The following ATP10B variants were observed in gnomAD, a reference collection of about 807,000 sequenced individuals.
The protein encoded by ATP10B is ATPase phospholipid transporting 10B (putative).
Under a neutral mutation model 141.2 loss-of-function variants are expected in ATP10B, and 122 were observed. The observed-to-expected ratio is 0.86, with a 90% CI of 0.75 to 1.00. ATP10B has a LOEUF of 1.00. Among genes scored for constraint, ATP10B ranks in the 50% least tolerant of loss-of-function variants. The pLI is 0.00. For synonymous variants in ATP10B, 685 were observed against 692.0 expected (o/e 0.99, Z 0.16); for missense variants, 1,876 against 1,825.3 (o/e 1.03, Z -0.51).
chr5:160,831,271 G>A (rs575067485), intron 1 of ATP10B, among the ~76,000 whole-genome samples: 6 of 152,014 alleles, frequency 3.9e-5, no homozygotes, highest in African/African-American at 1.4e-4. Flanking sequence ...TTAATTAATG[G>A]TGACTCTACC....
At position 160,620,841 on chromosome 5, in the gene ATP10B, G is replaced by T. The variant is rs1739842066; in HGVS notation, c.1922C>A (p.Ala641Glu). The change falls in exon 15 of 26, where the codon GCA becomes GAA. Residue 641 changes from alanine (A) to glutamate (E), a missense_variant. Transcript: ENST00000327245. The part of the protein sequence containing the change: ...LSLSQSFSST[A>E]PSDTDLGESL... ...CTCCCCGAGGTCTGTGTCAGAGGGT[G>T]CAGTGGATGAGAATGACTGGCTGAG... 1.9e-6 allele frequency: 3 copies of T among 1,614,216 alleles called. No individual in the cohort carries two copies. The highest frequency in any genetic ancestry group is 2.7e-5 in the African/African-American group (2 of 75,060).
chr5:160,599,013 C>A, intron 21 of ATP10B, 43 bp from the exon 22 acceptor site: 1 of 1,593,848 alleles, frequency 6.3e-7, no homozygotes, highest in Non-Finnish European at 8.6e-7. Flanking sequence ...GCTCCATGTG[C>A]AGCCGGTCAC....
At chr5:160,709,219 T>C (rs1765207241) in intron 3 of ATP10B, among the ~76,000 whole-genome samples, 1 of 152,208 alleles carries the variant, frequency 6.6e-6, no homozygotes, top group Non-Finnish European at 1.5e-5. Context: ...AGGAAACTCT[T>C]AGGGCACAGG....
intron 19 of ATP10B, among the ~76,000 whole-genome samples, chr5:160,606,080 A>G (rs1347983574): frequency 2.0e-5 from 3 of 152,222 alleles, no homozygotes; most frequent in Admixed American, 2.0e-4. Flanking sequence ...CAACTGTTGG[A>G]GAAAGAAAGG....
At chr5:160,891,338 T>A in the ATP10B span, among the ~76,000 whole-genome samples, 1 of 152,202 alleles carries the variant, frequency 6.6e-6, no homozygotes, top group African/African-American at 2.4e-5. Context: ...GTATGTGTCC[T>A]TCACCCCCAG....
chr5:160,600,369 C>T (rs1454104759), intron 21 of ATP10B, among the ~76,000 whole-genome samples: 9 of 152,158 alleles, frequency 5.9e-5, no homozygotes, highest in Admixed American at 5.2e-4. Context: ...TCAGTCCTAT[C>T]TTTGGCTTAT....
At chr5:160,912,442 G>GAA in the ATP10B span, among the ~76,000 whole-genome samples, 1 of 100,314 alleles carries the variant, frequency 1.0e-5, no homozygotes, top group African/African-American at 3.5e-5. Context: ...AAAAAAAAAA[G>GAA]AGAAAACTTA....
chr5:160,778,251 C>A (rs942772915), intron 2 of ATP10B, among the ~76,000 whole-genome samples: 1 of 152,326 alleles, frequency 6.6e-6, no homozygotes, highest in South Asian at 2.1e-4. Context: ...AGCATCTGAA[C>A]TTTCCTCATT....
At chr5:160,727,627 TC>T (rs938392543) in intron 2 of ATP10B, among the ~76,000 whole-genome samples, 4 of 152,080 alleles carry the variant, frequency 2.6e-5, no homozygotes, top group African/African-American at 9.7e-5. Context: ...GAACTTTGGG[TC>T]CCACGGTATC....
chr5:160,881,333 C>CT, the ATP10B span, among the ~76,000 whole-genome samples: 4 of 152,174 alleles, frequency 2.6e-5, no homozygotes, highest in African/African-American at 9.6e-5. Flanking sequence ...CTCTCCTTCA[C>CT]TACTGGTGGA....
chr5:160,644,876 G>C (rs566596489), intron 8 of ATP10B, among the ~76,000 whole-genome samples: 2 of 152,284 alleles, frequency 1.3e-5, no homozygotes, highest in Non-Finnish European at 2.9e-5. Flanking sequence ...TCAGCACTTT[G>C]GGAGGCCGAG....
At chr5:160,806,459 T>TC (rs1394213004) in intron 1 of ATP10B, among the ~76,000 whole-genome samples, 1 of 152,138 alleles carries the variant, frequency 6.6e-6, no homozygotes, top group Non-Finnish European at 1.5e-5. Context: ...CATAAGGTTA[T>TC]CCCCCAGAAC....
chr5:160,657,126 A>G (rs1761569219), intron 7 of ATP10B, among the ~76,000 whole-genome samples: 1 of 152,180 alleles, frequency 6.6e-6, no homozygotes, highest in Admixed American at 6.5e-5. Context: ...CCAACCAAGG[A>G]AGCTACACAG....
At chr5:160,627,915 G>T (rs1434449844) in intron 13 of ATP10B, among the ~76,000 whole-genome samples, 1 of 151,618 alleles carries the variant, frequency 6.6e-6, no homozygotes, top group East Asian at 1.9e-4. Context: ...TGAGGTGGTG[G>T]GAAGAGAGGA....
chr5:160,567,235 CT>C (rs1754602185), intron 25 of ATP10B, among the ~76,000 whole-genome samples: 1 of 152,142 alleles, frequency 6.6e-6, no homozygotes, highest in South Asian at 2.1e-4. Context: ...AGACAAGGTC[CT>C]TGCTGTCACG....
chr5:160,915,224 G>A, the ATP10B span, among the ~76,000 whole-genome samples: 4 of 152,188 alleles, frequency 2.6e-5, no homozygotes, highest in African/African-American at 9.6e-5. Flanking sequence ...TTTGAAGGTT[G>A]TGCCATAGGG....
intron 18 of ATP10B, among the ~76,000 whole-genome samples, chr5:160,608,694 T>G (rs1197147485): frequency 6.6e-6 from 1 of 152,232 alleles, no homozygotes; most frequent in Non-Finnish European, 1.5e-5. Flanking sequence ...TGATGAGCAT[T>G]TTTTCATGTG....
At chr5:160,915,169 T>A in the ATP10B span, among the ~76,000 whole-genome samples, 5 of 152,192 alleles carry the variant, frequency 3.3e-5, no homozygotes, top group East Asian at 9.6e-4. Flanking sequence ...CCTTTAAAAG[T>A]TTTTCAAAAA....
At chr5:160,632,427 A>G (rs1188206828) in intron 12 of ATP10B, 60 bp from the exon 13 acceptor site, 4 of 1,523,728 alleles carry the variant, frequency 2.6e-6, no homozygotes, top group African/African-American at 1.4e-5. Flanking sequence ...ATGTTGGGGA[A>G]AACCTAGACT....
Sources: allele counts gnomAD v4.1 joint callset (sites outside exome capture counted in the v4.1 genomes callset), GRCh38; gene constraint gnomAD v4.1.1; transcripts MANE v1.5; gene names NCBI Gene and HGNC (gene_info 2026-07-23, HGNC 2026-07-21).